Variants in SMIM35 observed in about 807,000 individuals in gnomAD.
SMIM35 encodes small integral membrane protein 35.
intron 1 of SMIM35, among the ~76,000 whole-genome samples, chr11:118,083,600 A>T (rs909895933): frequency 6.6e-6 from 1 of 152,188 alleles, no homozygotes; most frequent in Non-Finnish European, 1.5e-5. Context: ...CCCAAGTTCT[A>T]TTTTAATATT....
intron 1 of SMIM35, among the ~76,000 whole-genome samples, chr11:118,047,216 G>A (rs964655710): frequency 2.0e-5 from 3 of 152,176 alleles, no homozygotes. Context: ...GGTCTAAGGG[G>A]GTTAGCATAT....
chr11:118,018,480 A>G, intron 1 of SMIM35, among the ~76,000 whole-genome samples: 1 of 152,230 alleles, frequency 6.6e-6, no homozygotes, highest in South Asian at 2.1e-4. Context: ...ATCTCTGTGG[A>G]TGACAGAGAG....
chr11:118,067,986 T>A (rs1483668833), intron 1 of SMIM35, among the ~76,000 whole-genome samples: 4 of 150,280 alleles, frequency 2.7e-5, no homozygotes, highest in South Asian at 4.2e-4. Flanking sequence ...GCTATCCCAA[T>A]GGTTTGTCTT....
intron 1 of SMIM35, among the ~76,000 whole-genome samples, chr11:118,019,131 A>G (rs1393948623): frequency 6.6e-6 from 1 of 152,192 alleles, no homozygotes; most frequent in African/African-American, 2.4e-5. Context: ...ATGTAGATAT[A>G]GAGATATATA....
intron 1 of SMIM35, among the ~76,000 whole-genome samples, chr11:118,084,446 CT>C (rs1180905329): frequency 4.6e-5 from 7 of 152,216 alleles, no homozygotes; most frequent in African/African-American, 9.6e-5. Context: ...TATTAAAGCA[CT>C]ATTTATAGGA....
chr11:118,027,129 G>A (rs1352524282), intron 1 of SMIM35, among the ~76,000 whole-genome samples: 1 of 137,854 alleles, frequency 7.3e-6, no homozygotes, highest in Admixed American at 7.7e-5. Context: ...CCGGGTTCAC[G>A]CCATTCTCCT....
At chr11:118,019,434 A>G (rs1439601473) in intron 1 of SMIM35, among the ~76,000 whole-genome samples, 1 of 152,336 alleles carries the variant, frequency 6.6e-6, no homozygotes, top group African/African-American at 2.4e-5. Flanking sequence ...AGGAGTCAGA[A>G]TTTAAGTTCA....
chr11:118,048,590 G>GAAGCAAGC (rs1320473183), intron 1 of SMIM35, among the ~76,000 whole-genome samples: 1 of 103,632 alleles, frequency 9.6e-6, no homozygotes, highest in African/African-American at 3.4e-5. Flanking sequence ...AGGAAGGAAG[G>GAAGCAAGC]AAGGAAGCAA....
chr11:118,020,569 T>C (rs2058220078), intron 1 of SMIM35, among the ~76,000 whole-genome samples: 1 of 152,244 alleles, frequency 6.6e-6, no homozygotes, highest in Admixed American at 6.5e-5. Flanking sequence ...TCATATGTTT[T>C]ATAATTTGTC....
At chr11:118,049,339 A>ATTT (rs398017739) in intron 1 of SMIM35, among the ~76,000 whole-genome samples, 1,139 of 84,010 alleles carry the variant, frequency 0.014, 97 homozygotes, top group African/African-American at 0.051. Context: ...TCCACCCTTA[A>ATTT]TTTTTTTTTT....
intron 1 of SMIM35, among the ~76,000 whole-genome samples, chr11:118,077,700 T>C (rs977474088): frequency 1.3e-5 from 2 of 152,186 alleles, no homozygotes; most frequent in Non-Finnish European, 2.9e-5. Flanking sequence ...CTGGGGAAAC[T>C]GATTCCTTTT....
chr11:118,059,676 AG>A (rs1397635349), intron 1 of SMIM35: 1 of 152,224 alleles, frequency 6.6e-6, no homozygotes, highest in Non-Finnish European at 1.5e-5. Context: ...CTTCAGTTTC[AG>A]CAGGTCTTCC....
intron 1 of SMIM35, among the ~76,000 whole-genome samples, chr11:118,051,137 T>C (rs1177664935): frequency 6.6e-6 from 1 of 152,236 alleles, no homozygotes; most frequent in Non-Finnish European, 1.5e-5. Context: ...CATTGTCTTT[T>C]ATTCTAACTG....
At chr11:118,035,764 T>C (rs2058354868) in intron 1 of SMIM35, among the ~76,000 whole-genome samples, 1 of 152,164 alleles carries the variant, frequency 6.6e-6, no homozygotes, top group Non-Finnish European at 1.5e-5. Flanking sequence ...GACCTCAGCA[T>C]GGGGGATCCT....
intron 1 of SMIM35, among the ~76,000 whole-genome samples, chr11:118,026,733 T>C (rs1232218601): frequency 3.3e-5 from 5 of 152,110 alleles, no homozygotes; most frequent in Admixed American, 2.0e-4. Context: ...TTTGGGAGAC[T>C]GAGGCAGGAG....
chr11:118,007,089 AC>A (rs1455755153), intron 4 of SMIM35, among the ~76,000 whole-genome samples: 1 of 151,908 alleles, frequency 6.6e-6, no homozygotes, highest in Non-Finnish European at 1.5e-5. Flanking sequence ...GGGTGTCTCC[AC>A]CCACCTCCTT....
chr11:118,018,120 C>T (rs1208509908), intron 1 of SMIM35, among the ~76,000 whole-genome samples: 1 of 152,124 alleles, frequency 6.6e-6, no homozygotes, highest in African/African-American at 2.4e-5. Context: ...GAGGCAGGAG[C>T]ATGCCTAGCA....
intron 1 of SMIM35, chr11:118,029,518 A>C: frequency 5.2e-6 from 2 of 385,570 alleles, no homozygotes; most frequent in South Asian, 1.9e-5. Context: ...AGCTGGGGGA[A>C]GTTCTGCCAA....
chr11:118,084,303 T>G (rs1945379958), intron 1 of SMIM35, among the ~76,000 whole-genome samples: 2 of 152,138 alleles, frequency 1.3e-5, no homozygotes, highest in Admixed American at 1.3e-4. Flanking sequence ...CAACCTCTCC[T>G]AGCAAATGTA....
Sources: gnomAD v4.1 joint callset for allele counts (sites outside exome capture counted in the v4.1 genomes callset) on GRCh38, gnomAD v4.1.1 for gene constraint, MANE v1.5 for transcripts, NCBI Gene and HGNC (gene_info 2026-07-23, HGNC 2026-07-21) for gene names.